Variants in MAP2K1 observed in about 807,000 individuals in gnomAD.
The protein encoded by MAP2K1 is mitogen-activated protein kinase kinase 1, also known as dual specificity mitogen-activated protein kinase kinase 1.
In MAP2K1, 16 loss-of-function variants were observed where a neutral mutation model predicts 46.3. The ratio of observed to expected loss-of-function variants is 0.35; its 90% CI spans 0.23 to 0.52. MAP2K1 has a LOEUF of 0.52. MAP2K1 is among the 20% of genes least tolerant of loss of function. MAP2K1 has a pLI of 0.94. For missense variants in MAP2K1, 263 were observed against 497.1 expected (o/e 0.53, Z 4.48); for synonymous variants, 183 against 185.6 (o/e 0.99, Z 0.11).
intron 1 of MAP2K1, among the ~76,000 whole-genome samples, chr15:66,402,262 T>C (rs1294796155): frequency 2.6e-5 from 4 of 152,202 alleles, no homozygotes; most frequent in Non-Finnish European, 5.9e-5. Context: ...CTTCTAACCT[T>C]TTTCCCCCTT....
At chr15:66,419,203 A>C (rs945427544) in intron 1 of MAP2K1, among the ~76,000 whole-genome samples, 3 of 150,478 alleles carry the variant, frequency 2.0e-5, no homozygotes, top group Non-Finnish European at 4.4e-5. Context: ...TTCCTTTTGT[A>C]CTTCTACAGA....
At chr15:66,466,220 C>CAAAA (rs1313456182) in intron 5 of MAP2K1, among the ~76,000 whole-genome samples, 1 of 152,216 alleles carries the variant, frequency 6.6e-6, no homozygotes, top group Non-Finnish European at 1.5e-5. Context: ...CCAGTTTCTC[C>CAAAA]AATTGTGTCC....
intron 1 of MAP2K1, among the ~76,000 whole-genome samples, chr15:66,389,688 C>T (rs1423272786): frequency 1.3e-5 from 2 of 150,880 alleles, no homozygotes; most frequent in Non-Finnish European, 2.9e-5. Flanking sequence ...GATTCTCCTG[C>T]CTCAGCCTCC....
At chr15:66,415,875 T>C (rs1462604509) in intron 1 of MAP2K1, among the ~76,000 whole-genome samples, 1 of 152,206 alleles carries the variant, frequency 6.6e-6, no homozygotes, top group African/African-American at 2.4e-5. Context: ...AGGTGGAACA[T>C]AGAGTTTTAC....
At chr15:66,461,355 G>C (rs1259425214) in intron 5 of MAP2K1, among the ~76,000 whole-genome samples, 1 of 151,882 alleles carries the variant, frequency 6.6e-6, no homozygotes, top group Non-Finnish European at 1.5e-5. Context: ...TGTGGTGGTG[G>C]GCACCTGTAA....
In MAP2K1 at chr15:66,425,931, G is replaced by A. The variant is rs145487316; in HGVS notation, c.81-9096G>A. Reference sequence around the variant, plus strand: ...CATTTCAGTCAGGGCCTTCCACATAGAGGGGAAAGACTTTTCTCTCAGAAG... The same window carrying A: ...CATTTCAGTCAGGGCCTTCCACATAAAGGGGAAAGACTTTTCTCTCAGAAG... On this transcript the variant is annotated intron_variant, in intron 1 of 10. Transcript: ENST00000307102. Among the ~76,000 whole-genome samples the A allele has an allele frequency of 3.2e-3, 481 of 152,330 alleles. 4 individuals carry two copies. The highest frequency in any genetic ancestry group is 0.011 in the African/African-American group (465 of 41,582).
intron 1 of MAP2K1, among the ~76,000 whole-genome samples, chr15:66,414,411 CA>C (rs1363820796): frequency 6.6e-6 from 1 of 152,004 alleles, no homozygotes; most frequent in Non-Finnish European, 1.5e-5. Flanking sequence ...TTTATTATAG[CA>C]AAAAGGGTAC....
At chr15:66,426,471 T>C (rs1338781858) in intron 1 of MAP2K1, among the ~76,000 whole-genome samples, 1 of 152,206 alleles carries the variant, frequency 6.6e-6, no homozygotes, top group Non-Finnish European at 1.5e-5. Context: ...CATGAGTTTC[T>C]TCTCAAGAAT....
intron 8 of MAP2K1, 135 bp downstream of exon 8, chr15:66,487,427 T>C (rs1595887191): frequency 2.4e-6 from 2 of 830,836 alleles, no homozygotes; most frequent in Non-Finnish European, 4.1e-6. Context: ...TCACACGAGG[T>C]GAGGAGTTCG....
chr15:66,433,087 C>G (rs1171502697), intron 1 of MAP2K1, among the ~76,000 whole-genome samples: 1 of 151,386 alleles, frequency 6.6e-6, no homozygotes, highest in African/African-American at 2.4e-5. Flanking sequence ...GCTGTGGGGT[C>G]CATCTACATT....
chr15:66,436,435 G>A (rs190307473), intron 2 of MAP2K1, among the ~76,000 whole-genome samples: 446 of 152,258 alleles, frequency 2.9e-3, no homozygotes, highest in African/African-American at 0.01. Flanking sequence ...TCTTGAGTGT[G>A]AACCAAGTCC....
chr15:66,488,583 T>C (rs1893132428), intron 8 of MAP2K1: 1 of 176,262 alleles, frequency 5.7e-6, no homozygotes, highest in South Asian at 1.3e-4. Context: ...TAGTGCTGCA[T>C]GATCACCATG....
At chr15:66,487,368 G>A (rs1311727137) in intron 8 of MAP2K1, 76 bp downstream of exon 8, 2 of 1,361,020 alleles carry the variant, frequency 1.5e-6, no homozygotes, top group Non-Finnish European at 2.1e-6. Flanking sequence ...GCCGGGTGCA[G>A]TGGTTCACGC....
In MAP2K1 at chr15:66,448,162, A is replaced by AAAG. The variant is rs1555417212; in HGVS notation, c.568+3457_568+3458insGAA. On this transcript the variant is annotated intron_variant, in intron 5 of 10. Coordinates refer to ENST00000307102, the MANE Select transcript of MAP2K1 (RefSeq NM_002755.4). ...AGCAAGACTCCATCTCAAAAAAAAA[A>AAAG]AAAAAAAAAAACCCACTATTTCCCC... Among the ~76,000 whole-genome samples the AAAG allele has an allele frequency of 3.3e-4, 49 of 148,764 alleles. 1 individual carries two copies. Among genetic ancestry groups the AAAG allele is most frequent in the Non-Finnish European group, 5.9e-4 (40 of 67,256 alleles).
At chr15:66,433,725 T>C (rs900508292) in intron 1 of MAP2K1, among the ~76,000 whole-genome samples, 3 of 152,156 alleles carry the variant, frequency 2.0e-5, no homozygotes, top group African/African-American at 7.2e-5. Flanking sequence ...AACACCAACA[T>C]GATGATGTAT....
At chr15:66,390,172 T>C (rs2140515281) in intron 1 of MAP2K1, among the ~76,000 whole-genome samples, 1 of 152,296 alleles carries the variant, frequency 6.6e-6, no homozygotes, top group East Asian at 1.9e-4. Context: ...CTATGACTCA[T>C]TGCTGTGTTA....
chr15:66,420,261 T>C (rs952077162), intron 1 of MAP2K1, among the ~76,000 whole-genome samples: 3 of 147,876 alleles, frequency 2.0e-5, no homozygotes, highest in East Asian at 2.1e-4. Context: ...AATGAACGAA[T>C]GAATGAATGA....
chr15:66,440,384 G>A (rs147381444), intron 3 of MAP2K1, among the ~76,000 whole-genome samples: 12 of 152,168 alleles, frequency 7.9e-5, no homozygotes, highest in African/African-American at 2.7e-4. Context: ...GAGCCACCAC[G>A]CCTGGCCCTG....
chr15:66,478,753 A>C (rs1202545452), intron 5 of MAP2K1, among the ~76,000 whole-genome samples: 1 of 152,112 alleles, frequency 6.6e-6, no homozygotes. Context: ...CTGGGGTTAC[A>C]GACGTGAGCC....
Sources: gnomAD v4.1 joint callset for allele counts (sites outside exome capture counted in the v4.1 genomes callset) on GRCh38, gnomAD v4.1.1 for gene constraint, MANE v1.5 for transcripts, NCBI Gene and HGNC (gene_info 2026-07-23, HGNC 2026-07-21) for gene names.